CSMD3: variants seen among roughly 807,000 people sequenced by gnomAD.
CSMD3 encodes the protein CUB and sushi domain-containing protein 3.
CSMD3 carries 177 observed loss-of-function variants against 435.2 expected under a neutral mutation model. The observed-to-expected ratio is 0.41, with a 90% CI of 0.36 to 0.46. CSMD3 has a LOEUF of 0.46. Among genes scored for constraint, CSMD3 ranks in the 20% least tolerant of loss-of-function variants. The pLI, the probability that CSMD3 is intolerant of heterozygous loss-of-function variation, is 0.34. For missense variants in CSMD3, 4,265 were observed against 4,504.6 expected (o/e 0.95, Z 1.52); for synonymous variants, 1,656 against 1,520.5 (o/e 1.09, Z -2.07).
At chr8:112,428,529 A>G (rs1358036863) in intron 32 of CSMD3, among the ~76,000 whole-genome samples, 3 of 152,202 alleles carry the variant, frequency 2.0e-5, no homozygotes, top group Non-Finnish European at 4.4e-5. Flanking sequence ...CTGATAATGT[A>G]CAGTGTAAAT....
At chr8:112,344,424 C>T (rs1052679236) in intron 41 of CSMD3, among the ~76,000 whole-genome samples, 1 of 152,180 alleles carries the variant, frequency 6.6e-6, no homozygotes, top group Non-Finnish European at 1.5e-5. Flanking sequence ...GTATAATATA[C>T]ACTCAGTAAA....
chr8:112,315,881 T>C (rs1270970086), intron 47 of CSMD3, among the ~76,000 whole-genome samples: 3 of 151,872 alleles, frequency 2.0e-5, no homozygotes, highest in Non-Finnish European at 4.4e-5. Flanking sequence ...GAATTCCTGT[T>C]TTTCAATGTT....
chr8:112,300,413 AT>A (rs1306162394), intron 53 of CSMD3, among the ~76,000 whole-genome samples: 4 of 151,570 alleles, frequency 2.6e-5, no homozygotes, highest in African/African-American at 4.8e-5. Flanking sequence ...AAGATTTTTT[AT>A]TTTTTTGAGT....
intron 16 of CSMD3, among the ~76,000 whole-genome samples, chr8:112,667,238 T>G (rs2075547851): frequency 6.6e-6 from 1 of 152,132 alleles, no homozygotes; most frequent in Non-Finnish European, 1.5e-5. Flanking sequence ...TGAAGTCAAC[T>G]TTTGCAAAAC....
intron 11 of CSMD3, among the ~76,000 whole-genome samples, chr8:112,830,042 A>C (rs573868492): frequency 6.6e-6 from 1 of 152,192 alleles, no homozygotes; most frequent in Non-Finnish European, 1.5e-5. Context: ...GCTGTATTGT[A>C]TTTTCTGCAT....
chr8:112,230,933 A>G (rs1813026787), intron 69 of CSMD3, among the ~76,000 whole-genome samples: 1 of 152,234 alleles, frequency 6.6e-6, no homozygotes, highest in Non-Finnish European at 1.5e-5. Flanking sequence ...AGTGGATCAT[A>G]GGAGAATTAT....
intron 30 of CSMD3, among the ~76,000 whole-genome samples, chr8:112,497,218 G>C (rs1020864312): frequency 2.6e-5 from 4 of 152,118 alleles, no homozygotes; most frequent in Non-Finnish European, 5.9e-5. Context: ...GCTGGGAAGA[G>C]TAAGGGGTGG....
At chr8:112,369,711 G>A (rs1828135054) in intron 38 of CSMD3, among the ~76,000 whole-genome samples, 1 of 151,848 alleles carries the variant, frequency 6.6e-6, no homozygotes, top group Admixed American at 6.6e-5. Context: ...AGGGCCTGTT[G>A]GGAGTTGGGG....
intron 2 of CSMD3, among the ~76,000 whole-genome samples, chr8:113,306,872 G>A (rs7460075): frequency 0.11 from 17,270 of 151,964 alleles, 1,596 homozygotes; most frequent in African/African-American, 0.26. Flanking sequence ...CCTTAATTAT[G>A]TCCATTAGGC....
At chr8:112,377,539 C>T (rs1419323268) in intron 38 of CSMD3, among the ~76,000 whole-genome samples, 1 of 152,042 alleles carries the variant, frequency 6.6e-6, no homozygotes, top group African/African-American at 2.4e-5. Flanking sequence ...AAAGACACCA[C>T]AAGAAAAGAA....
intron 4 of CSMD3, among the ~76,000 whole-genome samples, chr8:113,115,426 G>T (rs2090792776): frequency 6.6e-6 from 1 of 152,144 alleles, no homozygotes; most frequent in Admixed American, 6.5e-5. Context: ...TAGCCTAATG[G>T]TAGAAATCTC....
chr8:112,594,298 C>T (rs145547232), intron 22 of CSMD3, among the ~76,000 whole-genome samples: 1,824 of 152,286 alleles, frequency 0.012, 38 homozygotes, highest in African/African-American at 0.042. Context: ...TCGAATATTG[C>T]GCTTTTCGGA....
At chr8:113,425,971 A>T (rs903285697) in intron 1 of CSMD3, among the ~76,000 whole-genome samples, 13 of 151,522 alleles carry the variant, frequency 8.6e-5, no homozygotes, top group Admixed American at 8.6e-4. Context: ...TTAACTCCAG[A>T]TTTCTCCATA....
chr8:112,789,439 G>T (rs2078632237), intron 13 of CSMD3, among the ~76,000 whole-genome samples: 1 of 152,002 alleles, frequency 6.6e-6, no homozygotes, highest in African/African-American at 2.4e-5. Flanking sequence ...AATCAGCAAT[G>T]CATATGGAAC....
intron 10 of CSMD3, among the ~76,000 whole-genome samples, chr8:112,907,373 A>C (rs1451118357): frequency 6.6e-6 from 1 of 151,464 alleles, no homozygotes; most frequent in Non-Finnish European, 1.5e-5. Flanking sequence ...TTAATTCAGT[A>C]CGGTATAGTG....
At chr8:112,835,581 A>T (rs765705299) in intron 11 of CSMD3, among the ~76,000 whole-genome samples, 3 of 151,826 alleles carry the variant, frequency 2.0e-5, no homozygotes, top group Non-Finnish European at 4.4e-5. Context: ...ATTCCCCATT[A>T]TTCATTGTAT....
intron 3 of CSMD3, among the ~76,000 whole-genome samples, chr8:113,228,627 C>A (rs575579580): frequency 1.3e-4 from 20 of 151,314 alleles, no homozygotes; most frequent in Non-Finnish European, 2.7e-4. Context: ...TTTATATAAA[C>A]ATCCTCCTCC....
chr8:113,233,149 T>C (rs1420412341), intron 3 of CSMD3, among the ~76,000 whole-genome samples: 3 of 151,816 alleles, frequency 2.0e-5, no homozygotes, highest in Non-Finnish European at 2.9e-5. Flanking sequence ...TGTTAATTAA[T>C]CAATGCTAAG....
intron 4 of CSMD3, among the ~76,000 whole-genome samples, chr8:113,114,573 T>C (rs1269431342): frequency 6.6e-6 from 1 of 152,092 alleles, no homozygotes; most frequent in Non-Finnish European, 1.5e-5. Flanking sequence ...AAGACCACAG[T>C]GTATAGATTA....
Sources: allele counts gnomAD v4.1 joint callset (sites outside exome capture counted in the v4.1 genomes callset), GRCh38; gene constraint gnomAD v4.1.1; transcripts MANE v1.5; gene names NCBI Gene and HGNC (gene_info 2026-07-23, HGNC 2026-07-21).